Variants in SPRR2F observed in about 807,000 individuals in gnomAD.
SPRR2F encodes the protein small proline-rich protein 2F.
A neutral mutation model predicts 0.8 loss-of-function variants in SPRR2F; 2 were observed. The observed-to-expected ratio is 2.52, with a 90% confidence interval of 1.03 to 7.95. The LOEUF is 7.95. Ranked by LOEUF, SPRR2F falls within the 30% of genes most tolerant of loss-of-function variation. The pLI is 0.04. For missense variants in SPRR2F, 80 were observed against 85.8 expected (o/e 0.93, Z 0.27); for synonymous variants, 39 against 33.4 (o/e 1.17, Z -0.58).
chr1:153,116,251 T>C (rs1265317543), upstream of SPRR2F, among the ~76,000 whole-genome samples: 1 of 152,204 alleles, frequency 6.6e-6, no homozygotes, highest in Non-Finnish European at 1.5e-5. Flanking sequence ...GAAGACTATT[T>C]AATATTATTT....
upstream of SPRR2F, among the ~76,000 whole-genome samples, chr1:153,115,734 CTTCT>C (rs758478340): frequency 2.0e-5 from 3 of 152,184 alleles, no homozygotes; most frequent in Non-Finnish European, 2.9e-5. Flanking sequence ...ATCTATCTAT[CTTCT>C]ATCTATCTAA....
At chr1:153,113,635 A>C (rs1257003522), upstream of SPRR2F, 2 of 152,150 alleles carry the variant, frequency 1.3e-5, no homozygotes, top group Admixed American at 6.5e-5. Flanking sequence ...TTTATCCACA[A>C]CTGGCCTGAC....
chr1:153,117,583 C>T (rs1031041428), upstream of SPRR2F, among the ~76,000 whole-genome samples: 1 of 151,986 alleles, frequency 6.6e-6, no homozygotes, highest in East Asian at 1.9e-4. Flanking sequence ...CTGAATCATT[C>T]ATTAGCATTA....
At chr1:153,112,935 G>A (rs768065740) in intron 1 of SPRR2F, among the ~76,000 whole-genome samples, 183 bp from the exon 2 acceptor site, 2 of 152,140 alleles carry the variant, frequency 1.3e-5, no homozygotes, top group Non-Finnish European at 2.9e-5. Flanking sequence ...CATTGTCCCT[G>A]GGAACTCTTG....
chr1:153,112,166 C>T lies in SPRR2F; in HGVS notation c.*349G>A, dbSNP rs1432686418. ...TCAGGGAGTGAAAGGAAAGTGACAA[C>T]TGCACAGGTGGTGGAAGCTCATGCC... is the stretch of plus-strand genomic sequence containing the variant. On this transcript the variant is annotated 3_prime_UTR_variant, in exon 2 of 2. Transcript: ENST00000468739. 1.1e-5 allele frequency: 4 copies of T among 373,100 alleles called. No homozygotes were observed. Among genetic ancestry groups the T allele is most frequent in the South Asian group, 9.2e-5 (1 of 10,912 alleles). The allele number at this position is 373,100 out of a possible 1,614,324, so 23.1% of individuals were successfully genotyped here.
chr1:153,116,831 C>A (rs1262258835), upstream of SPRR2F, among the ~76,000 whole-genome samples: 1 of 151,826 alleles, frequency 6.6e-6, no homozygotes. Context: ...TAAAATTTGT[C>A]CGATTATGAT....
At chr1:153,115,646 A>G (rs1183554054), upstream of SPRR2F, among the ~76,000 whole-genome samples, 3 of 152,162 alleles carry the variant, frequency 2.0e-5, no homozygotes, top group Non-Finnish European at 4.4e-5. Context: ...AAGTTAGGAC[A>G]TCCAGGCCCT....
upstream of SPRR2F, among the ~76,000 whole-genome samples, chr1:153,114,564 A>G (rs1655681334): frequency 6.6e-6 from 1 of 152,156 alleles, no homozygotes; most frequent in Non-Finnish European, 1.5e-5. Context: ...AAAGTCTGAA[A>G]TCTGGGGGAA....
In SPRR2F at chr1:153,112,593, A is replaced by C; in HGVS notation, c.141T>G (p.Pro47=). The change falls in exon 2 of 2, where the codon CCT becomes CCG. Residue 47 remains proline (P), a synonymous_variant. Transcript: ENST00000468739. ...GAGGACATTTCTGCTGGCACTGCTG[A>C]GGTGGGCAGGACTGTGGACACTTTG... is the stretch of plus-strand genomic sequence containing the variant. ...PPSKCPQSCP[P]QQCQQKCPPV... 6.2e-7 allele frequency: 1 copy of C among 1,612,816 alleles called. No homozygotes were observed. Among genetic ancestry groups the C allele is most frequent in the Middle Eastern group, 1.9e-4 (1 of 5,254 alleles).
Position 153,112,541 on chromosome 1 carries a change from G to A in SPRR2F, c.193C>T (p.Pro65Ser), listed in dbSNP as rs368880578. The A allele has an allele frequency of 4.1e-5, 66 of 1,612,778 alleles. No individual in the cohort carries two copies. In the African/African-American group the frequency reaches 8.1e-4, roughly 20 times the overall value. The change falls in exon 2 of 2, where the codon CCA becomes TCA. Residue 65 changes from proline (P) to serine (S), a missense_variant. Pro to Ser is a moderately conservative substitution (Grantham distance 74). Coordinates refer to ENST00000468739, the MANE Select transcript of SPRR2F (RefSeq NM_001014450.3). ...PPVTPSPPCQ[P>S]KCPPKSK ...TACTTGCTCTTGGGTGGACACTTTG[G>A]CTGGCAGGGTGGGGAAGGTGTCACA...
At chr1:153,114,478 C>T (rs1282798343), upstream of SPRR2F, among the ~76,000 whole-genome samples, 3 of 152,130 alleles carry the variant, frequency 2.0e-5, no homozygotes, top group Non-Finnish European at 2.9e-5. Flanking sequence ...CTATAGAGCA[C>T]AATCTGCATA....
chr1:153,116,604 C>T (rs1197994595), upstream of SPRR2F, among the ~76,000 whole-genome samples: 1 of 152,048 alleles, frequency 6.6e-6, no homozygotes, highest in Admixed American at 6.5e-5. Flanking sequence ...TATTATACCC[C>T]AACATTTAAT....
chr1:153,114,972 G>T (rs1435094230), upstream of SPRR2F, among the ~76,000 whole-genome samples: 1 of 152,126 alleles, frequency 6.6e-6, no homozygotes, highest in East Asian at 1.9e-4. Flanking sequence ...GGAAAATGAG[G>T]AAGAGGAAGA....
At chr1:153,117,633 A>G (rs1571011077), upstream of SPRR2F, among the ~76,000 whole-genome samples, 1 of 152,086 alleles carries the variant, frequency 6.6e-6, no homozygotes, top group African/African-American at 2.4e-5. Flanking sequence ...TTCTAGTTCT[A>G]TTTTCTCTAA....
chr1:153,114,747 C>T (rs1225472333), upstream of SPRR2F, among the ~76,000 whole-genome samples: 2 of 152,164 alleles, frequency 1.3e-5, no homozygotes, highest in Non-Finnish European at 2.9e-5. Flanking sequence ...GTACACCTCT[C>T]ATCTATTCAT....
chr1:153,113,719 C>T (rs1482405260), upstream of SPRR2F, among the ~76,000 whole-genome samples: 2 of 152,180 alleles, frequency 1.3e-5, no homozygotes, highest in Admixed American at 6.5e-5. Flanking sequence ...CTCACAGAGG[C>T]CCTGCCTTAG....
chr1:153,114,073 T>C (rs1655668276), upstream of SPRR2F, among the ~76,000 whole-genome samples: 1 of 135,680 alleles, frequency 7.4e-6, no homozygotes, highest in Admixed American at 8.0e-5. Context: ...CCTGTGATTA[T>C]AAGCAGGGGA....
chr1:153,117,915 A>G (rs917529678), upstream of SPRR2F, among the ~76,000 whole-genome samples: 1 of 152,064 alleles, frequency 6.6e-6, no homozygotes, highest in Non-Finnish European at 1.5e-5. Context: ...ACTCTAACAT[A>G]GAAGAGGGCT....
At chr1:153,114,667 G>C (rs1438955208), upstream of SPRR2F, among the ~76,000 whole-genome samples, 1 of 152,116 alleles carries the variant, frequency 6.6e-6, no homozygotes, top group Admixed American at 6.5e-5. Context: ...TTGTTTGCAT[G>C]TTCTTTCTCT....
Sources: allele counts gnomAD v4.1 joint callset (sites outside exome capture counted in the v4.1 genomes callset), GRCh38; gene constraint gnomAD v4.1.1; transcripts MANE v1.5; gene names NCBI Gene and HGNC (gene_info 2026-07-23, HGNC 2026-07-21).